The following RORA variants were observed in gnomAD, a reference collection of about 807,000 sequenced individuals.
The protein encoded by RORA is nuclear receptor ROR-alpha.
In RORA, 7 loss-of-function variants were observed where a neutral mutation model predicts 69.5. That is an observed-to-expected ratio of 0.10 (90% CI 0.06 to 0.19). The LOEUF (loss-of-function observed/expected upper bound fraction) is 0.19, where lower values mean the gene tolerates loss of function less well. RORA is among the 10% of genes least tolerant of loss of function. The pLI is 1.00. For synonymous variants in RORA, 261 were observed against 240.8 expected, an observed-to-expected ratio of 1.08 and a Z score of -0.78; for missense variants, 457 against 663.0, an observed-to-expected ratio of 0.69 and a Z score of 3.41.
intron 2 of RORA, among the ~76,000 whole-genome samples, chr15:60,596,107 T>C (rs967002708): frequency 4.6e-5 from 7 of 152,198 alleles, no homozygotes; most frequent in Admixed American, 1.3e-4. Flanking sequence ...GTATATTTTG[T>C]TTTTCACCAC....
intron 2 of RORA, among the ~76,000 whole-genome samples, chr15:60,591,732 C>T (rs1430661100): frequency 2.0e-5 from 3 of 152,126 alleles, no homozygotes; most frequent in Non-Finnish European, 4.4e-5. Flanking sequence ...CCGCCCAGAG[C>T]GTCTTGGCAC....
At chr15:61,015,878 A>G (rs1895266311) in intron 1 of RORA, among the ~76,000 whole-genome samples, 2 of 152,242 alleles carry the variant, frequency 1.3e-5, no homozygotes, top group Non-Finnish European at 2.9e-5. Context: ...GACCTTGCCC[A>G]AATCCTTGGA....
chr15:60,579,057 G>C (rs981989447), intron 2 of RORA, among the ~76,000 whole-genome samples: 2 of 146,786 alleles, frequency 1.4e-5, no homozygotes, highest in East Asian at 3.9e-4. Flanking sequence ...GTGAGCCACC[G>C]CGCCCGGTTT....
At chr15:60,595,029 G>C (rs2140533838) in intron 2 of RORA, among the ~76,000 whole-genome samples, 1 of 110,430 alleles carries the variant, frequency 9.1e-6, no homozygotes, top group East Asian at 3.1e-4. Flanking sequence ...AAAACTATAG[G>C]CTGTTTTTTT....
intron 5 of RORA, among the ~76,000 whole-genome samples, chr15:60,510,967 C>T (rs1421233374): frequency 6.6e-6 from 1 of 152,034 alleles, no homozygotes; most frequent in African/African-American, 2.4e-5. Context: ...CCTGAACTTA[C>T]AGTTTTCTGC....
chr15:60,522,153 T>C (rs911013443), intron 3 of RORA, among the ~76,000 whole-genome samples: 6 of 152,222 alleles, frequency 3.9e-5, no homozygotes, highest in African/African-American at 1.4e-4. Context: ...CATTAACTGA[T>C]GCATTCCTGA....
chr15:60,940,108 A>G (rs1198864663), intron 1 of RORA, among the ~76,000 whole-genome samples: 2 of 152,230 alleles, frequency 1.3e-5, no homozygotes, highest in African/African-American at 2.4e-5. Context: ...CAACCCTATC[A>G]GCATTTTTTG....
chr15:61,015,800 G>A (rs777512138), intron 1 of RORA, among the ~76,000 whole-genome samples: 4 of 152,194 alleles, frequency 2.6e-5, no homozygotes, highest in Non-Finnish European at 5.9e-5. Context: ...TTATATACCT[G>A]TAAAAGAGCT....
chr15:60,633,716 G>GTAAA (rs1208387172), intron 2 of RORA, among the ~76,000 whole-genome samples: 6 of 152,194 alleles, frequency 3.9e-5, no homozygotes, highest in African/African-American at 1.4e-4. Flanking sequence ...TCTTCCCATT[G>GTAAA]TATACAAGGG....
intron 1 of RORA, among the ~76,000 whole-genome samples, chr15:60,890,566 C>T (rs951657295): frequency 2.0e-5 from 3 of 152,172 alleles, no homozygotes; most frequent in South Asian, 2.1e-4. Flanking sequence ...TCGCCCTGCT[C>T]GGGGCCCCTT....
In RORA at chr15:60,938,932, C is replaced by A. The variant is rs191496304; in HGVS notation, c.167-260246G>T. On this transcript the variant is annotated intron_variant, in intron 1 of 10. Transcript: ENST00000335670. Reference sequence around the variant, plus strand: ...TAAAAAGGCACTGGCCCATGCCCGGCTTCTTAAACAAATCAGGCTTATTCA... The same window carrying A: ...TAAAAAGGCACTGGCCCATGCCCGGATTCTTAAACAAATCAGGCTTATTCA... Among the ~76,000 whole-genome samples, 249 of 152,354 alleles carry A rather than the reference C, an allele frequency of 1.6e-3. 1 individual carries two copies. The highest frequency in any genetic ancestry group is 6.6e-3 in the South Asian group (32 of 4,824).
At chr15:61,048,521 A>T (rs1383450768) in intron 1 of RORA, among the ~76,000 whole-genome samples, 2 of 152,128 alleles carry the variant, frequency 1.3e-5, no homozygotes, top group Admixed American at 6.5e-5. Context: ...CTTTTGCCCC[A>T]CACCCCAGAT....
intron 1 of RORA, among the ~76,000 whole-genome samples, chr15:61,178,436 A>G (rs973142738): frequency 6.6e-6 from 1 of 152,174 alleles, no homozygotes; most frequent in African/African-American, 2.4e-5. Flanking sequence ...ATTTGAAAAT[A>G]TAATCTGAAA....
At chr15:60,680,386 C>T (rs2070625414) in intron 1 of RORA, among the ~76,000 whole-genome samples, 1 of 152,186 alleles carries the variant, frequency 6.6e-6, no homozygotes, top group Non-Finnish European at 1.5e-5. Context: ...GATGAAAATA[C>T]CACTGCTTTG....
At chr15:60,521,351 C>T (rs997706132) in intron 3 of RORA, among the ~76,000 whole-genome samples, 12 of 151,522 alleles carry the variant, frequency 7.9e-5, no homozygotes, top group South Asian at 2.1e-4. Flanking sequence ...AAGTGATTCT[C>T]CTGCCTCAGC....
At chr15:60,634,436 C>A (rs980862738) in intron 2 of RORA, among the ~76,000 whole-genome samples, 3 of 150,570 alleles carry the variant, frequency 2.0e-5, no homozygotes, top group African/African-American at 7.3e-5. Flanking sequence ...GCCAGAGTCT[C>A]GCTCTGTTGC....
chr15:61,016,111 T>C (rs1034066851), intron 1 of RORA, among the ~76,000 whole-genome samples: 1 of 152,142 alleles, frequency 6.6e-6, no homozygotes, highest in Non-Finnish European at 1.5e-5. Context: ...TGGGCTCCAG[T>C]TTCCCCTTTT....
At position 60,816,578 on chromosome 15, in the gene RORA, A is replaced by C. The variant is rs565484202; in HGVS notation, c.167-137892T>G. On this transcript the variant is annotated intron_variant, in intron 1 of 10. Transcript: ENST00000335670. Reference sequence around the variant, plus strand: ...TACTGTAAACAGTATATGTATTTATATACTGTAAACAGTATATGTATTTAT... The same window carrying C: ...TACTGTAAACAGTATATGTATTTATCTACTGTAAACAGTATATGTATTTAT... 7.7e-4 allele frequency among the ~76,000 whole-genome samples: 111 copies of C among 143,634 alleles called. 7 individuals are homozygous for C. Among genetic ancestry groups the C allele is most frequent in the Non-Finnish European group, 1.2e-3 (81 of 66,112 alleles). 94.2% of individuals were successfully genotyped at this position (143,634 alleles called of 152,430 possible).
At chr15:61,154,152 C>T (rs1038149786) in intron 1 of RORA, among the ~76,000 whole-genome samples, 3 of 152,150 alleles carry the variant, frequency 2.0e-5, no homozygotes, top group Non-Finnish European at 2.9e-5. Context: ...CCCAAATCCA[C>T]ATCTCATTTT....
Sources: allele counts gnomAD v4.1 joint callset (sites outside exome capture counted in the v4.1 genomes callset), GRCh38; gene constraint gnomAD v4.1.1; transcripts MANE v1.5; gene names NCBI Gene and HGNC (gene_info 2026-07-23, HGNC 2026-07-21).